The following EML5 variants were observed in gnomAD, a reference collection of about 807,000 sequenced individuals.
The protein encoded by EML5 is echinoderm microtubule-associated protein-like 5.
EML5 carries 120 observed loss-of-function variants against 250.0 expected under a neutral mutation model. The ratio of observed to expected loss-of-function variants is 0.48; its 90% CI spans 0.41 to 0.56. The LOEUF (loss-of-function observed/expected upper bound fraction) is 0.56, where lower values mean the gene tolerates loss of function less well. Ranked by LOEUF, EML5 falls within the 20% of genes least tolerant of loss-of-function variation. The pLI is 0.00. For synonymous variants in EML5, 771 were observed against 806.5 expected (o/e 0.96, Z 0.75); for missense variants, 2,006 against 2,437.6 (o/e 0.82, Z 3.73).
chr14:88,755,840 T>A (rs189544139), intron 1 of EML5, among the ~76,000 whole-genome samples: 2,264 of 150,324 alleles, frequency 0.015, 48 homozygotes, highest in African/African-American at 0.047. Context: ...AAAAAAAAAA[T>A]TTTTTTTAAT....
rs2094448800 is a variant in EML5, at chr14:88,776,575, G to GA, written c.197+15731dup. Among the ~76,000 whole-genome samples, 4 of 151,792 alleles carry GA rather than the reference G, an allele frequency of 2.6e-5. No individual in the cohort carries two copies. In the South Asian group the frequency reaches 8.3e-4, roughly 32 times the overall value. ...GTTATTTTAATCAGAGAAGACAAAA[G>GA]AAAAAATAAAAAACAATGAAGTGGG... On this transcript the variant is annotated intron_variant, in intron 1 of 43. Transcript: ENST00000554922.
intron 14 of EML5, among the ~76,000 whole-genome samples, chr14:88,697,900 T>C (rs2093116908): frequency 6.6e-6 from 1 of 152,050 alleles, no homozygotes; most frequent in Admixed American, 6.6e-5. Context: ...CACACCCAGC[T>C]AATTTTTTGT....
intron 31 of EML5, among the ~76,000 whole-genome samples, chr14:88,641,147 C>A (rs111576088): frequency 6.6e-6 from 1 of 151,968 alleles, no homozygotes; most frequent in South Asian, 2.1e-4. Flanking sequence ...AAGCCCTGGA[C>A]CAGATGGATT....
Position 88,620,903 on chromosome 14 carries a change from C to G in EML5, c.5226G>C (p.Leu1742Phe), listed in dbSNP as rs1001740027. 3.3e-6 allele frequency: 5 copies of G among 1,514,634 alleles called. No individual in the cohort carries two copies. The highest frequency in any genetic ancestry group is 2.6e-5 in the Admixed American group (1 of 37,960). The allele number at this position is 1,514,634 out of a possible 1,614,324, so 93.8% of individuals were successfully genotyped here. The change falls in exon 39 of 44, where the codon TTG (leucine) becomes TTC (phenylalanine). Residue 1742 changes from leucine to phenylalanine, a missense_variant. Around this residue, in one of 7 missense-constraint regions of EML5, gnomAD observed 405 missense variants for 523.3 expected, o/e 0.77. Transcript: ENST00000554922. This position sits in a 1 kb window ranked among gnomAD's most constrained non-coding sequence, Gnocchi z 4.3. ...AACACACAGTACGAGCAGCATGTCC[C>G]AAATTCACTTTGTTTAACATCTTCT... ...ADKKMLNKVNLGHAARTVCYS... is the reference protein window; with the variant it reads ...ADKKMLNKVNFGHAARTVCYS...
At chr14:88,760,609 C>A (rs142334130) in intron 1 of EML5, among the ~76,000 whole-genome samples, 1 of 152,208 alleles carries the variant, frequency 6.6e-6, no homozygotes, top group African/African-American at 2.4e-5. Flanking sequence ...AGTCCTCTAC[C>A]TTTGTTCTTT....
chr14:88,622,290 A>G (rs2089141351), intron 37 of EML5: 2 of 230,988 alleles, frequency 8.7e-6, no homozygotes, highest in Non-Finnish European at 1.7e-5. Context: ...TTTTTAAAAA[A>G]TGGAGACAGC....
chr14:88,776,727 A>T (rs1156375190), intron 1 of EML5, among the ~76,000 whole-genome samples: 5 of 151,808 alleles, frequency 3.3e-5, no homozygotes, highest in Non-Finnish European at 5.9e-5. Context: ...CCAAAAAAAA[A>T]AAAATTAGCT....
intron 37 of EML5, 107 bp from the exon 38 acceptor site, chr14:88,621,408 T>C (rs752061114): frequency 7.3e-7 from 1 of 1,360,686 alleles, no homozygotes; most frequent in African/African-American, 1.4e-5. Flanking sequence ...ACTTTTTGCT[T>C]TGAGCTAATC....
chr14:88,627,935 T>C (rs961955396), intron 33 of EML5, 116 bp from the exon 34 acceptor site: 5 of 1,002,290 alleles, frequency 5.0e-6, no homozygotes, highest in Non-Finnish European at 7.6e-6. Flanking sequence ...ACAAAAACTG[T>C]ACTTAACAAA....
intron 17 of EML5, among the ~76,000 whole-genome samples, chr14:88,690,187 G>A (rs1331060630): frequency 6.6e-6 from 1 of 152,204 alleles, no homozygotes; most frequent in Non-Finnish European, 1.5e-5. Context: ...GGGAAATGGG[G>A]TTGGAGAGGT....
In EML5 at chr14:88,736,350, T is replaced by G; in HGVS notation, c.1049+14A>C. 6.2e-7 allele frequency: 1 copy of G among 1,613,784 alleles called. No homozygotes were observed. Among genetic ancestry groups the G allele is most frequent in the Non-Finnish European group, 8.5e-7 (1 of 1,179,712 alleles). On this transcript the variant is annotated intron_variant, in intron 7 of 43. Transcript: ENST00000554922. ...TACATTCCAGCCTATGGAATTAGTT[T>G]ATAATTTGCTTACCTGACCGAACGA...
intron 10 of EML5, among the ~76,000 whole-genome samples, chr14:88,707,678 T>C (rs911608150): frequency 2.0e-5 from 3 of 152,164 alleles, no homozygotes; most frequent in Non-Finnish European, 4.4e-5. Context: ...TGAGATAGAA[T>C]CAAAACTCAT....
chr14:88,626,862 G>A lies in EML5; in HGVS notation c.4716C>T (p.Thr1572=), dbSNP rs752425714. The change falls in exon 35 of 44, where the codon ACC becomes ACT. Residue 1572 remains threonine (T), a synonymous_variant. Transcript: ENST00000554922. ...LSTLEDARMQ[T]MLAIAFGANN... ...CTGCACCAAATGCAATAGCGAGCAT[G>A]GTCTGCATCCGGGCATCTTCCAGTG... The A allele has an allele frequency of 3.7e-6, 6 of 1,613,886 alleles. No homozygotes were observed. The highest frequency in any genetic ancestry group is 5.1e-6 in the Non-Finnish European group (6 of 1,179,832).
intron 2 of EML5, among the ~76,000 whole-genome samples, chr14:88,749,947 A>C (rs1221893214): frequency 2.6e-5 from 4 of 152,206 alleles, no homozygotes; most frequent in Non-Finnish European, 5.9e-5. Context: ...AGCAAAGTAC[A>C]ACTCTCAAGC....
At chr14:88,754,714 C>T (rs749648892) in intron 1 of EML5, 43 bp from the exon 2 acceptor site, 2 of 1,510,534 alleles carry the variant, frequency 1.3e-6, no homozygotes, top group East Asian at 2.5e-5. Context: ...TTAAAAATTG[C>T]TTATACAGAT....
intron 21 of EML5, among the ~76,000 whole-genome samples, chr14:88,670,120 G>C (rs2092417180): frequency 1.3e-5 from 2 of 151,650 alleles, no homozygotes. Context: ...TTCAAGACCA[G>C]CCTGACCAAG....
At chr14:88,775,229 A>G (rs1241044471) in intron 1 of EML5, among the ~76,000 whole-genome samples, 1 of 152,200 alleles carries the variant, frequency 6.6e-6, no homozygotes, top group African/African-American at 2.4e-5. Flanking sequence ...GCTTGAGAAA[A>G]GCGGAGTGAA....
At position 88,687,229 on chromosome 14, in the gene EML5, G is replaced by C; in HGVS notation, c.2841C>G (p.Ala947=). The change falls in exon 19 of 44, where the codon GCC becomes GCG. Residue 947 remains alanine, a synonymous_variant. Coordinates refer to ENST00000554922, the MANE Select transcript of EML5 (RefSeq NM_183387.3). ...GTCTCAAATCACCTTTAGATCCTGG[G>C]GCCAATGCAGCTCTTTTTATAGCAT... The part of the protein sequence containing the change: ...KTYAIKRAAL[A]PGSKGLLLED... The C allele has an allele frequency of 6.2e-7, 1 of 1,608,492 alleles. No homozygotes were observed. The highest frequency in any genetic ancestry group is 8.5e-7 in the Non-Finnish European group (1 of 1,177,642).
In EML5 at chr14:88,692,922, C is replaced by A. The variant is rs988222706; in HGVS notation, c.2539+1385G>T. ...TTTATTCTTTTCTAATAATGTTTTA[C>A]TTCTTCCTATATTTACATATTTTCT... On this transcript the variant is annotated intron_variant, in intron 17 of 43. Transcript: ENST00000554922. 3.9e-5 allele frequency among the ~76,000 whole-genome samples: 6 copies of A among 152,092 alleles called. No individual in the cohort carries two copies. The South Asian group carries it at 6.2e-4, about 16-fold the overall frequency.
Sources: gnomAD v4.1 joint callset for allele counts (sites outside exome capture counted in the v4.1 genomes callset) on GRCh38, gnomAD v4.1.1 for gene constraint, gnomAD v4.1.1 regional missense constraint, Gnocchi (gnomAD v3.1) non-coding constraint, MANE v1.5 for transcripts, NCBI Gene and HGNC (gene_info 2026-07-23, HGNC 2026-07-21) for gene names.